Variants in ROBO1 observed in about 807,000 individuals in gnomAD.
The protein encoded by ROBO1 is roundabout guidance receptor 1, also known as roundabout homolog 1.
ROBO1 carries 149 observed loss-of-function variants against 195.9 expected under a neutral mutation model. The observed-to-expected ratio is 0.76, with a 90% confidence interval of 0.67 to 0.87. The LOEUF (loss-of-function observed/expected upper bound fraction) is 0.87, where lower values mean the gene tolerates loss of function less well. Among genes scored for constraint, ROBO1 ranks in the 40% least tolerant of loss-of-function variants. ROBO1 has a pLI of 0.00. For missense variants in ROBO1, 1,933 were observed against 2,068.3 expected, an observed-to-expected ratio of 0.93 and a Z score of 1.27; for synonymous variants, 816 against 733.2, an observed-to-expected ratio of 1.11 and a Z score of -1.82.
intron 5 of ROBO1, among the ~76,000 whole-genome samples, chr3:78,733,042 G>A (rs868805336): frequency 6.6e-6 from 1 of 152,212 alleles, no homozygotes. Flanking sequence ...GAAGTGGTCA[G>A]ATGTTACCAA....
chr3:78,883,981 C>T (rs1302045325), intron 4 of ROBO1, among the ~76,000 whole-genome samples: 1 of 152,154 alleles, frequency 6.6e-6, no homozygotes, highest in Non-Finnish European at 1.5e-5. Context: ...ATGCAGCCCT[C>T]ATGTGTGGCC....
chr3:78,763,564 A>T (rs983286838), intron 4 of ROBO1, among the ~76,000 whole-genome samples: 5 of 152,194 alleles, frequency 3.3e-5, no homozygotes, highest in African/African-American at 1.2e-4. Flanking sequence ...CTATAAGCAG[A>T]CTTTACAAAA....
At chr3:79,762,877 G>T (rs6777811) in intron 1 of ROBO1, among the ~76,000 whole-genome samples, 26,191 of 152,076 alleles carry the variant, frequency 0.17, 2,289 homozygotes, top group East Asian at 0.25. Flanking sequence ...GGCCCATGAG[G>T]AGAAGAGGTG....
chr3:78,893,559 T>G (rs771031699), intron 4 of ROBO1, among the ~76,000 whole-genome samples: 31 of 152,362 alleles, frequency 2.0e-4, no homozygotes, highest in Non-Finnish European at 4.0e-4. Flanking sequence ...ATTGGCTGTT[T>G]ATTAATATTA....
chr3:79,569,126 GCACA>G (rs71127393), intron 2 of ROBO1, among the ~76,000 whole-genome samples: 96 of 149,702 alleles, frequency 6.4e-4, no homozygotes, highest in Non-Finnish European at 9.4e-4. Context: ...GTGCACACGC[GCACA>G]CACACACACA....
chr3:79,009,566 G>A (rs1185424534), intron 3 of ROBO1, among the ~76,000 whole-genome samples: 1 of 152,116 alleles, frequency 6.6e-6, no homozygotes, highest in Non-Finnish European at 1.5e-5. Context: ...GCAAAAGAAT[G>A]GTATTCCCAA....
At chr3:79,431,566 C>G (rs2038680576) in intron 2 of ROBO1, among the ~76,000 whole-genome samples, 1 of 152,000 alleles carries the variant, frequency 6.6e-6, no homozygotes, top group South Asian at 2.1e-4. Context: ...TAGACAGATT[C>G]AGAAGACAAA....
At chr3:79,452,947 T>C (rs2039495064) in intron 2 of ROBO1, among the ~76,000 whole-genome samples, 1 of 151,846 alleles carries the variant, frequency 6.6e-6, no homozygotes. Flanking sequence ...GGAAATGATA[T>C]AAAAACCAGA....
At chr3:79,198,221 G>A (rs1276397935) in intron 2 of ROBO1, among the ~76,000 whole-genome samples, 1 of 152,040 alleles carries the variant, frequency 6.6e-6, no homozygotes, top group Non-Finnish European at 1.5e-5. Flanking sequence ...TGTATAAGGT[G>A]TAAGGAAGGG....
At position 78,598,797 on chromosome 3, in the gene ROBO1, G is replaced by T; in HGVS notation, c.*116C>A. ...ATATCCCAATAAGAGGAATAAAAAC[G>T]ACAATTTGTACACTCTGATTGCACT... On this transcript the variant is annotated 3_prime_UTR_variant, in exon 31 of 31. Coordinates refer to ENST00000464233, the MANE Select transcript of ROBO1 (RefSeq NM_002941.4). 2 of 616,638 alleles carry T rather than the reference G, an allele frequency of 3.2e-6. No individual in the cohort carries two copies. Among genetic ancestry groups the T allele is most frequent in the South Asian group, 3.1e-5 (1 of 32,598 alleles). The allele number at this position is 616,638 out of a possible 1,614,324, so 38.2% of individuals were successfully genotyped here.
At chr3:78,644,993 G>A (rs562298910) in intron 21 of ROBO1, among the ~76,000 whole-genome samples, 7 of 152,052 alleles carry the variant, frequency 4.6e-5, no homozygotes, top group Non-Finnish European at 7.4e-5. Context: ...TGAATGTCTG[G>A]GCTGTGATTT....
At chr3:79,720,878 C>T (rs1206437681) in intron 1 of ROBO1, among the ~76,000 whole-genome samples, 4 of 151,290 alleles carry the variant, frequency 2.6e-5, no homozygotes, top group African/African-American at 2.4e-5. Context: ...CTGCAAGCTC[C>T]GCCTCCCAGG....
chr3:79,097,257 C>T (rs1022086634), intron 3 of ROBO1, among the ~76,000 whole-genome samples: 1 of 151,764 alleles, frequency 6.6e-6, no homozygotes, highest in African/African-American at 2.4e-5. Context: ...TTCTAAATTA[C>T]TGATTTACTT....
intron 4 of ROBO1, among the ~76,000 whole-genome samples, chr3:78,879,531 A>AG (rs1194877570): frequency 6.6e-6 from 1 of 152,124 alleles, no homozygotes; most frequent in African/African-American, 2.4e-5. Flanking sequence ...TTCATTTAAA[A>AG]AAAAAAAAGA....
chr3:79,618,406 G>T (rs4680968), intron 1 of ROBO1, among the ~76,000 whole-genome samples: 132,776 of 152,116 alleles, frequency 0.87, 58,019 homozygotes, highest in African/African-American at 0.9. Context: ...ATTCCTGCCT[G>T]AACTGATGAC....
chr3:79,382,603 C>T (rs979872045), intron 2 of ROBO1, among the ~76,000 whole-genome samples: 1 of 152,090 alleles, frequency 6.6e-6, no homozygotes, highest in East Asian at 1.9e-4. Context: ...AGGCTAGATG[C>T]TGTTAAAAAT....
chr3:79,407,403 C>T (rs910355338), intron 2 of ROBO1, among the ~76,000 whole-genome samples: 1 of 152,068 alleles, frequency 6.6e-6, no homozygotes, highest in Non-Finnish European at 1.5e-5. Flanking sequence ...TACAATTCTG[C>T]CTCTTTAAAC....
intron 2 of ROBO1, among the ~76,000 whole-genome samples, chr3:79,397,118 G>A (rs904392432): frequency 1.3e-5 from 2 of 151,816 alleles, no homozygotes; most frequent in African/African-American, 4.8e-5. Flanking sequence ...TAATGAAATA[G>A]CAATATATTC....
intron 10 of ROBO1, among the ~76,000 whole-genome samples, chr3:78,679,153 T>G (rs1355921229): frequency 6.6e-6 from 1 of 152,048 alleles, no homozygotes; most frequent in African/African-American, 2.4e-5. Flanking sequence ...TCTCAATAAA[T>G]TAGGTATTGA....
Sources: allele counts gnomAD v4.1 joint callset (sites outside exome capture counted in the v4.1 genomes callset), GRCh38; gene constraint gnomAD v4.1.1; transcripts MANE v1.5; gene names NCBI Gene and HGNC (gene_info 2026-07-23, HGNC 2026-07-21).